The following UTP20 variants were observed in gnomAD, a reference collection of about 807,000 sequenced individuals.
UTP20 encodes small subunit processome component 20 homolog.
A neutral mutation model predicts 329.5 loss-of-function variants in UTP20; 164 were observed. The ratio of observed to expected loss-of-function variants is 0.50; its 90% CI spans 0.44 to 0.57. UTP20 has a LOEUF of 0.57. Among genes scored for constraint, UTP20 ranks in the 20% least tolerant of loss-of-function variants. The pLI is 0.00. For synonymous variants in UTP20, 1,151 were observed against 1,159.3 expected, an observed-to-expected ratio of 0.99 and a Z score of 0.14; for missense variants, 3,055 against 3,284.2, an observed-to-expected ratio of 0.93 and a Z score of 1.71.
At chr12:101,291,543 A>G (rs1872154085) in intron 8 of UTP20, 199 bp from the exon 9 acceptor site, 4 of 222,872 alleles carry the variant, frequency 1.8e-5, no homozygotes, top group African/African-American at 7.6e-5. Context: ...TCCATCTCAA[A>G]AAAAAAAAAA....
Position 101,342,070 on chromosome 12 carries a change from A to G in UTP20, c.4102-376A>G, listed in dbSNP as rs899925817. 3.9e-5 allele frequency among the ~76,000 whole-genome samples: 6 copies of G among 152,184 alleles called. No homozygotes were observed. The East Asian group carries it at 9.6e-4, about 24-fold the overall frequency. ...ATATGCAAATACCATGCCTTTTTAT[A>G]TAAGGGACTTAAACATCCTTGGAGT... On this transcript the variant is annotated intron_variant, in intron 32 of 61. Transcript: ENST00000261637.
chr12:101,372,084 G>A (rs1212120501), intron 51 of UTP20, among the ~76,000 whole-genome samples: 2 of 152,032 alleles, frequency 1.3e-5, no homozygotes, highest in African/African-American at 2.4e-5. Flanking sequence ...GAAGAAGAAG[G>A]GTCAGCTGCT....
intron 15 of UTP20, among the ~76,000 whole-genome samples, chr12:101,304,986 A>G (rs931279828): frequency 1.5e-4 from 23 of 152,060 alleles, no homozygotes; most frequent in Non-Finnish European, 2.8e-4. Context: ...CTTTTCTTTC[A>G]GATACCCTTT....
At chr12:101,381,406 G>A (rs1870642648) in intron 58 of UTP20, among the ~76,000 whole-genome samples, 195 bp downstream of exon 58, 1 of 152,178 alleles carries the variant, frequency 6.6e-6, no homozygotes. Flanking sequence ...ATGGTTGCGG[G>A]TGCCTGTAAT....
Position 101,356,542 on chromosome 12 carries a change from T to C in UTP20, c.5395-12T>C, listed in dbSNP as rs768444554. On this transcript the variant is annotated splice_polypyrimidine_tract_variant and intron_variant, in intron 41 of 61. Coordinates refer to ENST00000261637, the MANE Select transcript of UTP20 (RefSeq NM_014503.3). Reference sequence around the variant, plus strand: ...TATTTTCATTTTAGCTTAACCTAAATTTTTCTTACAGACTAAAAGGGAAGA... The same window carrying C: ...TATTTTCATTTTAGCTTAACCTAAACTTTTCTTACAGACTAAAAGGGAAGA... 1 of 1,598,684 alleles carries C rather than the reference T, an allele frequency of 6.3e-7. No individual in the cohort carries two copies. Among genetic ancestry groups the C allele is most frequent in the South Asian group, 1.1e-5 (1 of 87,994 alleles).
chr12:101,343,177 T>G (rs1306211023), intron 35 of UTP20, 84 bp downstream of exon 35: 1 of 998,552 alleles, frequency 1.0e-6, no homozygotes, highest in South Asian at 2.8e-5. Context: ...GATCTTTAAA[T>G]TTGTTTTTTG....
intron 21 of UTP20, among the ~76,000 whole-genome samples, chr12:101,313,833 T>C (rs541821786): frequency 6.6e-6 from 1 of 151,976 alleles, no homozygotes; most frequent in South Asian, 2.1e-4. Flanking sequence ...TTTACTGAGA[T>C]AGGAGGAATG....
intron 56 of UTP20, among the ~76,000 whole-genome samples, chr12:101,376,204 C>T (rs1443597067): frequency 6.6e-6 from 1 of 151,990 alleles, no homozygotes; most frequent in East Asian, 1.9e-4. Flanking sequence ...CTTTGATATC[C>T]TGTTTGTACC....
intron 30 of UTP20, among the ~76,000 whole-genome samples, 158 bp from the exon 31 acceptor site, chr12:101,338,655 A>G (rs1869017262): frequency 6.6e-6 from 1 of 152,196 alleles, no homozygotes; most frequent in African/African-American, 2.4e-5. Flanking sequence ...TTTGAATAAG[A>G]AGAAAGTTGT....
In UTP20 at chr12:101,290,153, C is replaced by G. The variant is rs1319804145; in HGVS notation, c.614C>G (p.Ala205Gly). 6.3e-7 allele frequency: 1 copy of G among 1,590,616 alleles called. No individual in the cohort carries two copies. The highest frequency in any genetic ancestry group is 1.3e-5 in the African/African-American group (1 of 74,224). ...FLMRKVSDKN[A>G]LFNLMFLDLD... ...ATATTTTAGGTCTCTGATAAAAACG[C>G]ACTTTTCAATTTAATGTTTCTTGAT... is the stretch of plus-strand genomic sequence containing the variant. Residue 205 changes from alanine (A) to glycine (G), a missense_variant, in exon 7 of 62, where the codon GCA (alanine) becomes GGA (glycine). Transcript: ENST00000261637.
chr12:101,327,340 C>T (rs1868604095), intron 26 of UTP20, 93 bp downstream of exon 26: 3 of 1,287,388 alleles, frequency 2.3e-6, no homozygotes, highest in Non-Finnish European at 3.1e-6. Context: ...GGGCGTCTTT[C>T]TAACAGGGTT....
At chr12:101,281,561 G>A (rs1244242866) in intron 2 of UTP20, among the ~76,000 whole-genome samples, 1 of 152,050 alleles carries the variant, frequency 6.6e-6, no homozygotes, top group Non-Finnish European at 1.5e-5. Context: ...CCATATTCCT[G>A]AAGCTATAAC....
In UTP20 at chr12:101,327,206, T is replaced by G; in HGVS notation, c.3167T>G (p.Phe1056Cys). 1 of 1,607,820 alleles carries G rather than the reference T, an allele frequency of 6.2e-7. No homozygotes were observed. Among genetic ancestry groups the G allele is most frequent in the Non-Finnish European group, 8.5e-7 (1 of 1,174,892 alleles). Reference protein sequence around the residue: ...AGTQPEEIQIFLDLLFEPVRH... With the variant: ...AGTQPEEIQICLDLLFEPVRH... ...ACCCAACCTGAGGAGATCCAGATAT[T>G]CTTAGACCTGCTGTTTGAACCTGTG... is the stretch of plus-strand genomic sequence containing the variant. The change falls in exon 26 of 62, where the codon TTC becomes TGC. Residue 1056 changes from phenylalanine to cysteine, a missense_variant. By Grantham distance (205) the Phe-to-Cys change is radical. Transcript: ENST00000261637.
chr12:101,313,711 G>C (rs554042488), intron 21 of UTP20, among the ~76,000 whole-genome samples: 1 of 151,922 alleles, frequency 6.6e-6, no homozygotes, highest in East Asian at 1.9e-4. Flanking sequence ...ATGTGGGACG[G>C]GTGTGTGTGG....
intron 27 of UTP20, among the ~76,000 whole-genome samples, chr12:101,330,043 TA>T: frequency 6.6e-6 from 1 of 151,170 alleles, no homozygotes; most frequent in Non-Finnish European, 1.5e-5. Context: ...AAATAGTTAT[TA>T]TAAAAACACT....
chr12:101,359,351 C>T (rs1410914741), intron 43 of UTP20, among the ~76,000 whole-genome samples: 4 of 152,088 alleles, frequency 2.6e-5, no homozygotes, highest in East Asian at 3.8e-4. Flanking sequence ...CAGGCGTGAG[C>T]GACTGCACCC....
intron 47 of UTP20, among the ~76,000 whole-genome samples, chr12:101,367,265 A>G (rs1162002425): frequency 6.6e-6 from 1 of 152,210 alleles, no homozygotes; most frequent in Non-Finnish European, 1.5e-5. Context: ...AATATGGACA[A>G]TATAGTGAGA....
At chr12:101,378,715 G>T (rs1318774304) in intron 56 of UTP20, among the ~76,000 whole-genome samples, 1 of 150,430 alleles carries the variant, frequency 6.6e-6, no homozygotes, top group Non-Finnish European at 1.5e-5. Context: ...ATGAAACCCT[G>T]TCGCAAAAAA....
At chr12:101,317,846 A>G (rs1346239084) in intron 22 of UTP20, among the ~76,000 whole-genome samples, 183 bp downstream of exon 22, 1 of 152,140 alleles carries the variant, frequency 6.6e-6, no homozygotes, top group Non-Finnish European at 1.5e-5. Flanking sequence ...TTGATTACTT[A>G]TTAGTTTTTT....
Sources: gnomAD v4.1 joint callset for allele counts (sites outside exome capture counted in the v4.1 genomes callset) on GRCh38, gnomAD v4.1.1 for gene constraint, MANE v1.5 for transcripts, NCBI Gene and HGNC (gene_info 2026-07-23, HGNC 2026-07-21) for gene names.